Variants in COLEC10 observed in about 807,000 individuals in gnomAD.
COLEC10 encodes the protein collectin-10.
A neutral mutation model predicts 28.4 loss-of-function variants in COLEC10; 22 were observed. The observed-to-expected ratio is 0.78, with a 90% CI of 0.55 to 1.11. The LOEUF is 1.11. COLEC10 is among the 50% of genes least tolerant of loss of function. COLEC10 has a pLI of 0.00. For synonymous variants in COLEC10, 125 were observed against 116.1 expected (o/e 1.08, Z -0.49); for missense variants, 361 against 344.1 (o/e 1.05, Z -0.39).
At chr8:119,086,769 AG>A (rs1402647635) in intron 1 of COLEC10, among the ~76,000 whole-genome samples, 2 of 152,246 alleles carry the variant, frequency 1.3e-5, no homozygotes, top group Admixed American at 1.3e-4. Context: ...TGATTCTCAA[AG>A]GGCTTCACAT....
At chr8:119,072,189 C>T (rs1815137321) in intron 1 of COLEC10, among the ~76,000 whole-genome samples, 1 of 152,062 alleles carries the variant, frequency 6.6e-6, no homozygotes, top group African/African-American at 2.4e-5. Context: ...AACCACAAGG[C>T]AGAGCAAAGC....
At chr8:119,036,742 A>G (rs1052964654) in intron 2 of COLEC10, among the ~76,000 whole-genome samples, 2 of 152,208 alleles carry the variant, frequency 1.3e-5, no homozygotes, top group Non-Finnish European at 2.9e-5. Context: ...AGTCATTTAC[A>G]AAGGGACTAT....
intron 1 of COLEC10, among the ~76,000 whole-genome samples, chr8:118,999,618 G>A (rs1165647007): frequency 6.7e-6 from 1 of 150,206 alleles, no homozygotes. Context: ...AGCCAGCAAA[G>A]GAGACTGAGA....
At position 119,108,047 on chromosome 8, in the gene COLEC10, T is replaced by C. The variant is rs1815987384; in HGVS notation, c.*1856T>C. ...GGATATGATGACATGAAAGTCAAGA[T>C]ATCCCATTAATACCATATTCAATTC... On this transcript the variant is annotated 3_prime_UTR_variant, in exon 6 of 6. Transcript: ENST00000332843. Among the ~76,000 whole-genome samples the C allele has an allele frequency of 6.6e-6, 1 of 152,188 alleles. No homozygotes were observed. Among genetic ancestry groups the C allele is most frequent in the Non-Finnish European group, 1.5e-5 (1 of 68,032 alleles).
chr8:119,030,395 T>C (rs1005091368), intron 2 of COLEC10, among the ~76,000 whole-genome samples: 2 of 151,386 alleles, frequency 1.3e-5, no homozygotes, highest in Admixed American at 1.3e-4. Context: ...CTGGGCATGA[T>C]GATTCATGCT....
At chr8:119,034,273 G>A (rs937236633) in intron 2 of COLEC10, among the ~76,000 whole-genome samples, 8 of 152,128 alleles carry the variant, frequency 5.3e-5, no homozygotes, top group African/African-American at 1.9e-4. Flanking sequence ...ATAGCATTTG[G>A]AGAAATTCCT....
intron 2 of COLEC10, among the ~76,000 whole-genome samples, chr8:119,011,966 G>C (rs578115288): frequency 1.3e-5 from 2 of 150,564 alleles, no homozygotes; most frequent in African/African-American, 5.0e-5. Context: ...TTCTTGTCTT[G>C]TTGCATTATC....
the COLEC10 span, among the ~76,000 whole-genome samples, chr8:118,963,188 GTA>G: frequency 5.9e-5 from 9 of 152,086 alleles, no homozygotes; most frequent in African/African-American, 2.2e-4. Flanking sequence ...AGTGATAAAG[GTA>G]ATAACAACTA....
chr8:119,101,703 A>T (rs1275927279), intron 3 of COLEC10, among the ~76,000 whole-genome samples: 2 of 152,198 alleles, frequency 1.3e-5, no homozygotes, highest in Non-Finnish European at 2.9e-5. Flanking sequence ...GTTTCTGTAT[A>T]TCCTTTCAAA....
chr8:119,032,921 C>A (rs1352282669), intron 2 of COLEC10, among the ~76,000 whole-genome samples: 1 of 152,134 alleles, frequency 6.6e-6, no homozygotes, highest in East Asian at 1.9e-4. Context: ...CCAAACCAAA[C>A]CAAAACAAAC....
chr8:118,964,099 C>G, the COLEC10 span, among the ~76,000 whole-genome samples: 1 of 152,074 alleles, frequency 6.6e-6, no homozygotes, highest in East Asian at 1.9e-4. Context: ...CAGGGAGGAC[C>G]TCTTTAAGGA....
the COLEC10 span, among the ~76,000 whole-genome samples, chr8:118,982,094 G>C: frequency 6.6e-6 from 1 of 151,966 alleles, no homozygotes; most frequent in African/African-American, 2.4e-5. Context: ...GACATGATTG[G>C]CAGTTGGCAA....
chr8:118,969,519 C>T, the COLEC10 span, among the ~76,000 whole-genome samples: 149 of 152,066 alleles, frequency 9.8e-4, 1 homozygote, highest in Middle Eastern at 0.031. Context: ...ATCTATACTA[C>T]GCCTTTTTCT....
chr8:119,066,934 C>T (rs1814975657), upstream of COLEC10, among the ~76,000 whole-genome samples: 2 of 152,164 alleles, frequency 1.3e-5, no homozygotes, highest in Non-Finnish European at 2.9e-5. Context: ...TGAAACTCAG[C>T]GTTTAAATGC....
At chr8:118,993,595 G>T (rs111729147), upstream of COLEC10, among the ~76,000 whole-genome samples, 10,478 of 151,960 alleles carry the variant, frequency 0.069, 640 homozygotes, top group East Asian at 0.17. Context: ...CATAAGGTGA[G>T]CCACCCGCCT....
intron 1 of COLEC10, among the ~76,000 whole-genome samples, chr8:119,078,999 AC>A (rs1343391669): frequency 1.7e-4 from 2 of 11,728 alleles, no homozygotes; most frequent in African/African-American, 3.7e-3. Context: ...GTACACACAC[AC>A]ACACACACAC....
chr8:118,982,058 G>C, the COLEC10 span, among the ~76,000 whole-genome samples: 6 of 152,036 alleles, frequency 3.9e-5, no homozygotes, highest in African/African-American at 1.4e-4. Flanking sequence ...AGTAATTTCA[G>C]GAAGAAGAAC....
chr8:118,979,680 T>C, the COLEC10 span, among the ~76,000 whole-genome samples: 1 of 152,180 alleles, frequency 6.6e-6, no homozygotes, highest in African/African-American at 2.4e-5. Flanking sequence ...TTACATTAGT[T>C]AAATGTCATT....
chr8:119,035,382 A>T (rs7013722), intron 2 of COLEC10, among the ~76,000 whole-genome samples: 88,697 of 152,028 alleles, frequency 0.58, 26,558 homozygotes, highest in African/African-American at 0.72. Context: ...CATGAACAGC[A>T]TATTAATATA....
Sources: gnomAD v4.1 joint callset for allele counts (sites outside exome capture counted in the v4.1 genomes callset) on GRCh38, gnomAD v4.1.1 for gene constraint, MANE v1.5 for transcripts, NCBI Gene and HGNC (gene_info 2026-07-23, HGNC 2026-07-21) for gene names.